The following DYSF variants were observed in gnomAD, a reference collection of about 807,000 sequenced individuals.
The protein encoded by DYSF is dystrophy-associated fer-1-like 1.
Under a neutral mutation model 274.9 loss-of-function variants are expected in DYSF, and 212 were observed. The observed-to-expected ratio is 0.77, with a 90% confidence interval of 0.69 to 0.86. DYSF has a LOEUF of 0.86. DYSF is among the 40% of genes least tolerant of loss of function. The pLI is 0.00. For synonymous variants in DYSF, 1,091 were observed against 1,078.7 expected, an observed-to-expected ratio of 1.01 and a Z score of -0.22; for missense variants, 2,666 against 2,783.2, an observed-to-expected ratio of 0.96 and a Z score of 0.95.
At chr2:71,518,073 A>T (rs975772662) in intron 10 of DYSF, among the ~76,000 whole-genome samples, 1 of 152,058 alleles carries the variant, frequency 6.6e-6, no homozygotes, top group African/African-American at 2.4e-5. Context: ...TGGGGTTCAG[A>T]TATGGATCCC....
chr2:71,680,898 T>C, intron 53 of DYSF, 103 bp from the exon 54 acceptor site: 1 of 908,570 alleles, frequency 1.1e-6, no homozygotes, highest in South Asian at 1.4e-5. Flanking sequence ...CATCTTTTTT[T>C]TTAAATAATG....
Position 71,614,168 on chromosome 2 carries a change from A to G in DYSF, c.4464+758A>G, listed in dbSNP as rs545984078. Among the ~76,000 whole-genome samples the G allele has an allele frequency of 4.6e-5, 7 of 152,306 alleles. No homozygotes were observed. In the South Asian group the frequency reaches 6.2e-4, roughly 14 times the overall value. On this transcript the variant is annotated intron_variant, in intron 40 of 55. Coordinates refer to ENST00000410020, the MANE Select transcript of DYSF (RefSeq NM_001130987.2). ...GTTGAGCCCATCTGGTCCTTCCCAC[A>G]GTAGACATGGAGAAAGGTCTCACTG...
intron 54 of DYSF, 82 bp from the exon 55 acceptor site, chr2:71,682,448 T>C (rs2095308001): frequency 6.3e-7 from 1 of 1,586,180 alleles, no homozygotes; most frequent in African/African-American, 1.3e-5. Flanking sequence ...GCCAGGCCAT[T>C]GGACCTGCTG....
chr2:71,636,553 G>C (rs1249860668), intron 41 of DYSF, among the ~76,000 whole-genome samples: 2 of 152,132 alleles, frequency 1.3e-5, no homozygotes, highest in African/African-American at 2.4e-5. Flanking sequence ...GGAAGGATGT[G>C]GGAGGAGCAG....
chr2:71,466,986 C>T (rs1573283552), intron 1 of DYSF, 53 bp downstream of exon 1: 1 of 1,532,952 alleles, frequency 6.5e-7, no homozygotes, highest in South Asian at 1.2e-5. Flanking sequence ...CGACTCTCGG[C>T]GCTCACTGGC....
intron 16 of DYSF, among the ~76,000 whole-genome samples, chr2:71,537,217 A>AGTTTC (rs2089434212): frequency 1.1e-5 from 1 of 89,918 alleles, no homozygotes; most frequent in African/African-American, 4.6e-5. Flanking sequence ...TTTACTTTCT[A>AGTTTC]GTTTTGTTTT....
At chr2:71,507,768 G>T (rs12464624) in intron 4 of DYSF, among the ~76,000 whole-genome samples, 10 of 152,218 alleles carry the variant, frequency 6.6e-5, no homozygotes, top group Middle Eastern at 3.4e-3. Flanking sequence ...CTGGCCTCTG[G>T]GGCCACTGCA....
At chr2:71,531,939 G>A (rs1201815691) in intron 14 of DYSF, among the ~76,000 whole-genome samples, 1 of 152,126 alleles carries the variant, frequency 6.6e-6, no homozygotes. Flanking sequence ...TTGTGACAGA[G>A]GCTGCCAGGA....
At chr2:71,514,073 G>C (rs2086393809) in intron 7 of DYSF, 152 bp downstream of exon 7, 2 of 888,598 alleles carry the variant, frequency 2.3e-6, no homozygotes, top group Non-Finnish European at 3.6e-6. Context: ...CCTGGGCCTG[G>C]GCAGATGCCA....
At chr2:71,617,070 C>A (rs2093901518) in intron 40 of DYSF, among the ~76,000 whole-genome samples, 1 of 152,156 alleles carries the variant, frequency 6.6e-6, no homozygotes, top group South Asian at 2.1e-4. Context: ...CCAGAAATCG[C>A]ACCTTTGAGG....
chr2:71,476,377 C>T (rs566466663), intron 1 of DYSF, among the ~76,000 whole-genome samples: 67 of 152,014 alleles, frequency 4.4e-4, no homozygotes, highest in Admixed American at 7.9e-4. Context: ...CATGGTCAGG[C>T]TAAAAATACA....
chr2:71,607,757 G>C (rs778413367), intron 36 of DYSF, among the ~76,000 whole-genome samples: 9 of 152,176 alleles, frequency 5.9e-5, no homozygotes, highest in Non-Finnish European at 1.2e-4. Context: ...GGAGCTTTTG[G>C]CTTGGTTGTC....
chr2:71,541,166 G>C (rs1232769030), intron 17 of DYSF, among the ~76,000 whole-genome samples: 1 of 152,124 alleles, frequency 6.6e-6, no homozygotes, highest in African/African-American at 2.4e-5. Context: ...AAGATTTAAA[G>C]TCTTCTCTAA....
intron 55 of DYSF, among the ~76,000 whole-genome samples, chr2:71,684,681 A>G (rs542458110): frequency 7.2e-5 from 11 of 152,204 alleles, no homozygotes; most frequent in Non-Finnish European, 7.3e-5. Flanking sequence ...CAGTAGCACC[A>G]GGGAACTCAC....
intron 36 of DYSF, among the ~76,000 whole-genome samples, chr2:71,608,934 GT>G (rs373998170): frequency 0.17 from 24,974 of 146,594 alleles, 4,177 homozygotes; most frequent in African/African-American, 0.44. Context: ...CTCCCTGATG[GT>G]TTTTTTTTTT....
At chr2:71,471,397 G>T (rs1437739426) in intron 1 of DYSF, among the ~76,000 whole-genome samples, 1 of 152,184 alleles carries the variant, frequency 6.6e-6, no homozygotes, top group East Asian at 1.9e-4. Context: ...TGCCACAGGG[G>T]TTGGGGGCAC....
Position 71,466,854 on chromosome 2 carries a change from C to A in DYSF, c.12C>A (p.Cys4Ter). The change falls in exon 1 of 56, where the codon TGC becomes TGA. Residue 4 changes from cysteine to a stop codon, truncating the protein, a stop_gained. Coordinates refer to ENST00000410020, the MANE Select transcript of DYSF (RefSeq NM_001130987.2). LOFTEE classifies it high-confidence loss of function. MLC[C>*]LLVRASNLPS... ...GGGGCTGCCCAGCCATGCTGTGCTG[C>A]CTGCTGGTGAGGGCCAGCAACCTCC... 6.5e-7 allele frequency: 1 copy of A among 1,540,372 alleles called. No individual in the cohort carries two copies.
chr2:71,651,288 C>T (rs943735027), intron 42 of DYSF, among the ~76,000 whole-genome samples: 3 of 152,060 alleles, frequency 2.0e-5, no homozygotes, highest in Non-Finnish European at 2.9e-5. Flanking sequence ...AAATAGATAA[C>T]TCTTCAGCTA....
chr2:71,674,252 T>A lies in DYSF; in HGVS notation c.5840T>A (p.Phe1947Tyr), dbSNP rs1175543034. The A allele has an allele frequency of 1.2e-6, 2 of 1,614,226 alleles. No individual in the cohort carries two copies. Among genetic ancestry groups the A allele is most frequent in the Non-Finnish European group, 1.7e-6 (2 of 1,180,030 alleles). Residue 1947 changes from phenylalanine (F) to tyrosine (Y), a missense_variant, in exon 52 of 56, where the codon TTC (phenylalanine) becomes TAC (tyrosine). Physicochemically the swap from Phe to Tyr is conservative, Grantham distance 22. Coordinates refer to ENST00000410020, the MANE Select transcript of DYSF (RefSeq NM_001130987.2). ...TESKIPARVV[F>Y]QIWDNDKFSF... ...AGCAAAATCCCAGCACGAGTGGTGT[T>A]CCAGATCTGGGACAATGACAAGTTC...
Sources: allele counts gnomAD v4.1 joint callset (sites outside exome capture counted in the v4.1 genomes callset), GRCh38; gene constraint gnomAD v4.1.1; transcripts MANE v1.5; gene names NCBI Gene and HGNC (gene_info 2026-07-23, HGNC 2026-07-21).